Variants in AGBL1 observed in about 807,000 individuals in gnomAD.
AGBL1 encodes cytosolic carboxypeptidase 4.
A neutral mutation model predicts 118.9 loss-of-function variants in AGBL1; 130 were observed. The ratio of observed to expected loss-of-function variants is 1.09; its 90% confidence interval spans 0.95 to 1.26. AGBL1 has a LOEUF of 1.26. AGBL1 is among the 50% of genes most tolerant of loss of function. The pLI, the probability that AGBL1 is intolerant of heterozygous loss-of-function variation, is 0.00. For synonymous variants in AGBL1, 555 were observed against 478.9 expected (o/e 1.16, Z -2.08); for missense variants, 1,584 against 1,298.1 (o/e 1.22, Z -3.38).
Position 86,262,781 on chromosome 15 carries a change from G to A in AGBL1, c.973G>A (p.Asp325Asn). 1 of 1,597,286 alleles carries A rather than the reference G, an allele frequency of 6.3e-7. No homozygotes were observed. Among genetic ancestry groups the A allele is most frequent in the Non-Finnish European group, 8.6e-7 (1 of 1,168,398 alleles). ...SDTEDGKVED[D>N]DLETDVNKLS... ...TTCTATGACTATTCCATTTTAGGAT[G>A]ATGACTTGGAAACAGACGTGAACAA... Residue 325 changes from aspartate to asparagine, a missense_variant, in exon 10 of 23, where the codon GAT (aspartate) becomes AAT (asparagine). Physicochemically the swap from Asp to Asn is conservative, Grantham distance 23 (BLOSUM62 1). Coordinates refer to ENST00000614907, the MANE Select transcript of AGBL1 (RefSeq NM_001386094.1).
intron 22 of AGBL1, among the ~76,000 whole-genome samples, chr15:86,691,202 A>C (rs1217655226): frequency 6.6e-6 from 1 of 152,142 alleles, no homozygotes; most frequent in Admixed American, 6.6e-5. Flanking sequence ...CTTATAAGGC[A>C]AATGAACATT....
chr15:86,851,195 G>T (rs1206769104), intron 22 of AGBL1, among the ~76,000 whole-genome samples: 1 of 152,162 alleles, frequency 6.6e-6, no homozygotes, highest in Non-Finnish European at 1.5e-5. Context: ...AGGGCAAGAA[G>T]TGGAAGAAAG....
intron 21 of AGBL1, among the ~76,000 whole-genome samples, chr15:86,645,981 T>G (rs1206643121): frequency 1.3e-5 from 2 of 152,156 alleles, no homozygotes; most frequent in African/African-American, 4.8e-5. Context: ...CAATCAGGCA[T>G]TGTTTTCGGC....
At chr15:86,843,459 G>C (rs534636664) in intron 22 of AGBL1, among the ~76,000 whole-genome samples, 1 of 152,094 alleles carries the variant, frequency 6.6e-6, no homozygotes, top group Admixed American at 6.5e-5. Context: ...ATAACCTTTG[G>C]GGTAAGGCTA....
intron 21 of AGBL1, among the ~76,000 whole-genome samples, chr15:86,575,430 G>C (rs1297440051): frequency 6.6e-6 from 1 of 151,926 alleles, no homozygotes; most frequent in African/African-American, 2.4e-5. Flanking sequence ...AGCCTGGGAA[G>C]TTGAGGCTGC....
intron 22 of AGBL1, among the ~76,000 whole-genome samples, chr15:86,750,344 A>G (rs888024023): frequency 2.6e-5 from 4 of 152,024 alleles, no homozygotes; most frequent in African/African-American, 9.7e-5. Context: ...CCTGTATACA[A>G]TGTGTAATGA....
Position 86,644,891 on chromosome 15 carries a change from C to T in AGBL1, c.2995-29382C>T, listed in dbSNP as rs567659634. Among the ~76,000 whole-genome samples the T allele has an allele frequency of 6.7e-5, 10 of 149,016 alleles. No individual in the cohort carries two copies. The East Asian group carries it at 1.4e-3, about 21-fold the overall frequency. On this transcript the variant is annotated intron_variant, in intron 21 of 22. Transcript: ENST00000614907. Reference sequence around the variant, plus strand: ...AAAAAAATAGCTGGGCGTGGTGGCACGCACCTGTAGTCCCAGGTACTCGGG... The same window carrying T: ...AAAAAAATAGCTGGGCGTGGTGGCATGCACCTGTAGTCCCAGGTACTCGGG...
At chr15:86,415,046 A>C (rs1390368146) in intron 18 of AGBL1, among the ~76,000 whole-genome samples, 1 of 152,188 alleles carries the variant, frequency 6.6e-6, no homozygotes, top group Non-Finnish European at 1.5e-5. Flanking sequence ...CATAGAGTAC[A>C]GTTGAATTGT....
chr15:86,938,330 G>A (rs978619358), intron 23 of AGBL1, among the ~76,000 whole-genome samples: 6 of 152,148 alleles, frequency 3.9e-5, no homozygotes, highest in African/African-American at 1.4e-4. Context: ...ATGATGGCTT[G>A]AGTGTCAGTA....
chr15:86,948,445 C>T (rs1295729873), intron 23 of AGBL1, among the ~76,000 whole-genome samples: 1 of 151,960 alleles, frequency 6.6e-6, no homozygotes, highest in Admixed American at 6.6e-5. Flanking sequence ...ATACTAATAT[C>T]GAAGGAAAAA....
intron 22 of AGBL1, among the ~76,000 whole-genome samples, chr15:86,725,231 G>A (rs1365411229): frequency 6.6e-6 from 1 of 152,202 alleles, no homozygotes; most frequent in Non-Finnish European, 1.5e-5. Flanking sequence ...CATTCAAGGA[G>A]CTCATAGGAG....
At chr15:86,746,076 C>G (rs1347416594) in intron 22 of AGBL1, among the ~76,000 whole-genome samples, 1 of 152,014 alleles carries the variant, frequency 6.6e-6, no homozygotes, top group Non-Finnish European at 1.5e-5. Context: ...AGTACTTCAT[C>G]CCAGTAAGGG....
intron 22 of AGBL1, among the ~76,000 whole-genome samples, chr15:86,827,207 C>A (rs1276967636): frequency 6.9e-6 from 1 of 145,558 alleles, no homozygotes; most frequent in Non-Finnish European, 1.5e-5. Context: ...CTTCACATTT[C>A]TCTAGAGTTG....
chr15:86,548,009 T>C (rs2083609450), intron 20 of AGBL1, among the ~76,000 whole-genome samples: 1 of 152,158 alleles, frequency 6.6e-6, no homozygotes, highest in Non-Finnish European at 1.5e-5. Context: ...GACATAATGA[T>C]CTGTAAATAA....
chr15:86,641,745 C>T (rs960357831), intron 21 of AGBL1, among the ~76,000 whole-genome samples: 16 of 151,908 alleles, frequency 1.1e-4, no homozygotes, highest in Non-Finnish European at 2.1e-4. Context: ...AGTGAGACTC[C>T]GTTTCTGAAT....
At chr15:86,487,404 T>C (rs2082727714) in intron 18 of AGBL1, among the ~76,000 whole-genome samples, 1 of 152,074 alleles carries the variant, frequency 6.6e-6, no homozygotes, top group Non-Finnish European at 1.5e-5. Flanking sequence ...TGCAGAACGA[T>C]GGTGAAAATA....
At chr15:86,502,399 C>A (rs1198294490) in intron 18 of AGBL1, among the ~76,000 whole-genome samples, 2 of 151,322 alleles carry the variant, frequency 1.3e-5, no homozygotes, top group African/African-American at 2.4e-5. Flanking sequence ...ATTACTTTTT[C>A]CTTTCCTATC....
intron 6 of AGBL1, among the ~76,000 whole-genome samples, chr15:86,242,303 G>A (rs2078653296): frequency 6.6e-6 from 1 of 152,204 alleles, no homozygotes; most frequent in Non-Finnish European, 1.5e-5. Flanking sequence ...TGATCATGAT[G>A]ATGATAGTTA....
intron 22 of AGBL1, among the ~76,000 whole-genome samples, chr15:86,746,192 A>G (rs2077754068): frequency 6.6e-6 from 1 of 152,108 alleles, no homozygotes; most frequent in Non-Finnish European, 1.5e-5. Flanking sequence ...TATTGACAAG[A>G]TGAAGTAGAC....
Sources: gnomAD v4.1 joint callset for allele counts (sites outside exome capture counted in the v4.1 genomes callset) on GRCh38, gnomAD v4.1.1 for gene constraint, MANE v1.5 for transcripts, NCBI Gene and HGNC (gene_info 2026-07-23, HGNC 2026-07-21) for gene names.